VPS13A: variants seen among roughly 807,000 people sequenced by gnomAD.
VPS13A encodes the protein intermembrane lipid transfer protein VPS13A.
A neutral mutation model predicts 390.9 loss-of-function variants in VPS13A; 264 were observed. The observed-to-expected ratio is 0.68, with a 90% CI of 0.61 to 0.75. The LOEUF is 0.75. VPS13A is among the 30% of genes least tolerant of loss of function. The pLI, the probability that VPS13A is intolerant of heterozygous loss-of-function variation, is 0.00. For missense variants in VPS13A, 3,409 were observed against 3,733.9 expected, an observed-to-expected ratio of 0.91 and a Z score of 2.27; for synonymous variants, 1,231 against 1,227.1, an observed-to-expected ratio of 1.00 and a Z score of -0.07.
At chr9:77,306,096 T>G (rs948707547) in intron 34 of VPS13A, among the ~76,000 whole-genome samples, 1 of 152,120 alleles carries the variant, frequency 6.6e-6, no homozygotes, top group Admixed American at 6.5e-5. Context: ...ACAAACTAAG[T>G]GTCATGAATA....
chr9:77,233,387 T>A (rs977461595), intron 17 of VPS13A, among the ~76,000 whole-genome samples: 1 of 152,108 alleles, frequency 6.6e-6, no homozygotes, highest in Non-Finnish European at 1.5e-5. Context: ...GGTGTTTTTG[T>A]TTTCTGTATT....
At chr9:77,353,923 C>A (rs1831615900) in intron 54 of VPS13A, among the ~76,000 whole-genome samples, 1 of 152,040 alleles carries the variant, frequency 6.6e-6, no homozygotes, top group Non-Finnish European at 1.5e-5. Context: ...GCATATCATA[C>A]AAAATGCTTA....
chr9:77,269,124 T>C (rs1463753266), intron 23 of VPS13A, among the ~76,000 whole-genome samples: 5 of 152,202 alleles, frequency 3.3e-5, no homozygotes, highest in Non-Finnish European at 7.3e-5. Context: ...GAGCTTTTTG[T>C]ATCACATCTC....
At chr9:77,265,098 T>G (rs1825960653) in intron 23 of VPS13A, among the ~76,000 whole-genome samples, 1 of 152,202 alleles carries the variant, frequency 6.6e-6, no homozygotes, top group Non-Finnish European at 1.5e-5. Context: ...TGGATTACGT[T>G]TATTGATTTG....
chr9:77,260,858 T>C (rs1473618638), intron 23 of VPS13A, among the ~76,000 whole-genome samples: 1 of 151,910 alleles, frequency 6.6e-6, no homozygotes, highest in East Asian at 1.9e-4. Context: ...AACATGCATG[T>C]GTGTGTGTAT....
At chr9:77,241,297 A>G (rs180881607) in intron 19 of VPS13A, among the ~76,000 whole-genome samples, 97 of 152,190 alleles carry the variant, frequency 6.4e-4, no homozygotes, top group Admixed American at 2.0e-3. Flanking sequence ...GCCATGCCCA[A>G]TGTGGTATCA....
intron 5 of VPS13A, among the ~76,000 whole-genome samples, chr9:77,207,237 A>G (rs11145333): frequency 1.3e-5 from 1 of 79,536 alleles, no homozygotes; most frequent in Admixed American, 1.9e-4. Context: ...ATATATATAT[A>G]TATATATATA....
At chr9:77,369,516 G>C in intron 63 of VPS13A, 104 bp downstream of exon 63, 1 of 824,480 alleles carries the variant, frequency 1.2e-6, no homozygotes, top group Non-Finnish European at 2.1e-6. Context: ...ACAGATTTTG[G>C]AACACACACA....
chr9:77,212,896 A>T (rs1250774132), intron 7 of VPS13A, 73 bp from the exon 8 acceptor site: 12 of 1,468,698 alleles, frequency 8.2e-6, no homozygotes, highest in Non-Finnish European at 1.1e-5. Context: ...AGGGTATGGT[A>T]GATAATGATT....
intron 46 of VPS13A, 38 bp downstream of exon 46, chr9:77,332,151 C>A: frequency 1.3e-6 from 2 of 1,510,546 alleles, no homozygotes; most frequent in South Asian, 1.1e-5. Flanking sequence ...TCTAAAATCT[C>A]TTGTAGAATT....
intron 31 of VPS13A, among the ~76,000 whole-genome samples, chr9:77,289,150 T>G (rs1040375257): frequency 6.6e-6 from 1 of 152,194 alleles, no homozygotes; most frequent in South Asian, 2.1e-4. Context: ...CAGGGTGGTC[T>G]TGAACTCCTG....
intron 46 of VPS13A, among the ~76,000 whole-genome samples, chr9:77,333,610 G>T (rs572949551): frequency 6.6e-6 from 1 of 151,610 alleles, no homozygotes; most frequent in African/African-American, 2.4e-5. Context: ...GACAGGGTTT[G>T]TCCATTTTGG....
intron 35 of VPS13A, 36 bp downstream of exon 35, chr9:77,308,134 T>C (rs1397099406): frequency 6.8e-6 from 11 of 1,607,478 alleles, no homozygotes; most frequent in Non-Finnish European, 8.5e-6. Context: ...TCTGCTTTCC[T>C]CTTTCTCTCT....
At chr9:77,408,659 C>T (rs540280887) in intron 71 of VPS13A, among the ~76,000 whole-genome samples, 45 of 152,328 alleles carry the variant, frequency 3.0e-4, no homozygotes, top group African/African-American at 7.0e-4. Context: ...ATGCCTGGCT[C>T]GGAGGGTCCT....
At chr9:77,415,070 A>G (rs1297236513) in intron 71 of VPS13A, among the ~76,000 whole-genome samples, 12 of 152,214 alleles carry the variant, frequency 7.9e-5, no homozygotes, top group Admixed American at 7.9e-4. Flanking sequence ...ACAAAGAAAG[A>G]GGAATAAAGT....
chr9:77,243,806 T>G (rs1256431514), intron 19 of VPS13A, among the ~76,000 whole-genome samples: 1 of 152,158 alleles, frequency 6.6e-6, no homozygotes, highest in African/African-American at 2.4e-5. Context: ...AGCAATATAC[T>G]GGAAATTTTT....
chr9:77,401,845 C>A (rs1289605811), intron 68 of VPS13A, among the ~76,000 whole-genome samples: 2 of 152,112 alleles, frequency 1.3e-5, no homozygotes, highest in African/African-American at 4.8e-5. Flanking sequence ...CAGAAATAAA[C>A]CTTCACATAC....
At chr9:77,308,329 T>C (rs1371347837) in intron 35 of VPS13A, among the ~76,000 whole-genome samples, 2 of 152,162 alleles carry the variant, frequency 1.3e-5, no homozygotes, top group Admixed American at 6.5e-5. Flanking sequence ...TATTAGTCGT[T>C]GTGTTGATTT....
At chr9:77,357,146 C>T (rs1195369172) in intron 55 of VPS13A, among the ~76,000 whole-genome samples, 1 of 151,702 alleles carries the variant, frequency 6.6e-6, no homozygotes, top group Non-Finnish European at 1.5e-5. Flanking sequence ...ATGGCAAACC[C>T]TGTCTCTGCT....
Sources: allele counts gnomAD v4.1 joint callset (sites outside exome capture counted in the v4.1 genomes callset), GRCh38; gene constraint gnomAD v4.1.1; transcripts MANE v1.5; gene names NCBI Gene and HGNC (gene_info 2026-07-23, HGNC 2026-07-21).